The following KIF6 variants were observed in gnomAD, a reference collection of about 807,000 sequenced individuals.
KIF6 encodes the protein kinesin-like protein KIF6.
Under a neutral mutation model 112.7 loss-of-function variants are expected in KIF6, and 106 were observed. That is an observed-to-expected ratio of 0.94 (90% CI 0.80 to 1.11). The LOEUF is 1.11. KIF6 is among the 50% of genes least tolerant of loss of function. The pLI is 0.00. For synonymous variants in KIF6, 339 were observed against 339.9 expected, an observed-to-expected ratio of 1.00 and a Z score of 0.03; for missense variants, 929 against 964.0, an observed-to-expected ratio of 0.96 and a Z score of 0.48.
Position 39,438,421 on chromosome 6 carries a change from C to T in KIF6, c.1646-7260G>A, listed in dbSNP as rs1771696996. Among the ~76,000 whole-genome samples, 4 of 152,104 alleles carry T rather than the reference C, an allele frequency of 2.6e-5. No homozygotes were observed. In the South Asian group the frequency reaches 8.3e-4, roughly 32 times the overall value. On this transcript the variant is annotated intron_variant, in intron 13 of 22. Transcript: ENST00000287152. ...TGAGAGCTCCATGTGTGTTACTGCC[C>T]CTGAAGACCTTCCAGTGGGACAAGG...
intron 3 of KIF6, among the ~76,000 whole-genome samples, chr6:39,659,404 T>C (rs1785994795): frequency 6.6e-6 from 1 of 152,226 alleles, no homozygotes; most frequent in Non-Finnish European, 1.5e-5. Flanking sequence ...AGTGTATTTC[T>C]GTATATTGCC....
At chr6:39,620,753 TA>T (rs35701377) in intron 5 of KIF6, among the ~76,000 whole-genome samples, 1 of 93,270 alleles carries the variant, frequency 1.1e-5, no homozygotes, top group African/African-American at 6.0e-5. Flanking sequence ...AACAACATTT[TA>T]TTTATTTATT....
intron 13 of KIF6, among the ~76,000 whole-genome samples, chr6:39,466,519 T>C (rs191292086): frequency 6.6e-6 from 1 of 152,326 alleles, no homozygotes; most frequent in Admixed American, 6.5e-5. Flanking sequence ...TTCAAGGAAA[T>C]CTACTAAATC....
Position 39,337,110 on chromosome 6 carries a change from C to CTCTT in KIF6, c.2429-566_2429-563dup, listed in dbSNP as rs61092060. The stretch of plus-strand genomic sequence containing the variant: ...TTCTTTCCTTTCTTTCTTCTTTCTT[C>CTCTT]TCTTTCTTTCTTTCTTTCCTCCTTC... On this transcript the variant is annotated intron_variant, in intron 22 of 22. Transcript: ENST00000287152. 4.4e-3 allele frequency among the ~76,000 whole-genome samples: 512 copies of CTCTT among 116,114 alleles called. 23 individuals are homozygous for CTCTT. The highest frequency in any genetic ancestry group is 0.017 in the African/African-American group (440 of 26,370). 76.2% of individuals were successfully genotyped at this position (116,114 alleles called of 152,430 possible).
intron 3 of KIF6, among the ~76,000 whole-genome samples, chr6:39,647,862 C>T (rs1171043230): frequency 6.6e-6 from 1 of 151,920 alleles, no homozygotes; most frequent in African/African-American, 2.4e-5. Context: ...CAGGCACCCG[C>T]CATTATGCCC....
At chr6:39,659,851 G>A (rs1786030724) in intron 3 of KIF6, among the ~76,000 whole-genome samples, 1 of 152,168 alleles carries the variant, frequency 6.6e-6, no homozygotes, top group Non-Finnish European at 1.5e-5. Flanking sequence ...AATACATCAA[G>A]TCATGGTTGA....
Position 39,334,617 on chromosome 6 carries a change from A to G in KIF6, c.*1915T>C, listed in dbSNP as rs1049494127. On this transcript the variant is annotated 3_prime_UTR_variant, in exon 23 of 23. Coordinates refer to ENST00000287152, the MANE Select transcript of KIF6 (RefSeq NM_145027.6). ...GACAGAGACCCCCCCCATCTCAAAA[A>G]ATAAATAAAAGAAAGTAAAAATAAA... is the stretch of plus-strand genomic sequence containing the variant. The G allele has an allele frequency of 6.6e-6, 1 of 152,270 alleles. No individual in the cohort carries two copies. Among genetic ancestry groups the G allele is most frequent in the Non-Finnish European group, 1.5e-5 (1 of 68,108 alleles). 9.4% of individuals were successfully genotyped at this position (152,270 alleles called of 1,614,324 possible). A position where few individuals can be genotyped will look rare whatever the true frequency, so the allele number is the denominator to read the frequency against.
intron 3 of KIF6, among the ~76,000 whole-genome samples, chr6:39,694,321 C>A (rs571127123): frequency 5.3e-5 from 8 of 152,226 alleles, no homozygotes; most frequent in African/African-American, 1.9e-4. Context: ...CCACCCAGAA[C>A]AGTCAGGCAA....
At chr6:39,606,470 T>A (rs909801004) in intron 6 of KIF6, among the ~76,000 whole-genome samples, 4 of 152,146 alleles carry the variant, frequency 2.6e-5, no homozygotes, top group Non-Finnish European at 5.9e-5. Context: ...GATAATTTTA[T>A]CTTTGAACAT....
chr6:39,663,818 C>G (rs1270589974), intron 3 of KIF6, among the ~76,000 whole-genome samples: 1 of 151,942 alleles, frequency 6.6e-6, no homozygotes, highest in Non-Finnish European at 1.5e-5. Flanking sequence ...CTGAAGACAG[C>G]ATTTTATAAT....
chr6:39,559,514 A>G (rs1018049821), intron 10 of KIF6, among the ~76,000 whole-genome samples: 3 of 152,186 alleles, frequency 2.0e-5, no homozygotes, highest in African/African-American at 7.2e-5. Context: ...AGCCCACATT[A>G]TCAGTAAATA....
At chr6:39,505,401 T>A (rs941769844) in intron 13 of KIF6, among the ~76,000 whole-genome samples, 1 of 151,996 alleles carries the variant, frequency 6.6e-6, no homozygotes. Flanking sequence ...AAAAACCCTA[T>A]AAGAAAACCT....
intron 5 of KIF6, among the ~76,000 whole-genome samples, chr6:39,614,103 A>G (rs1488136472): frequency 2.0e-5 from 3 of 152,110 alleles, no homozygotes; most frequent in African/African-American, 7.2e-5. Context: ...ACTCTCCCTA[A>G]AGTCCTTTCA....
chr6:39,657,019 T>C (rs1446197860), intron 3 of KIF6, among the ~76,000 whole-genome samples: 1 of 151,882 alleles, frequency 6.6e-6, no homozygotes, highest in Non-Finnish European at 1.5e-5. Context: ...TCACCTGAGG[T>C]CAGGAGTTTG....
At chr6:39,721,993 A>T (rs1027202515) in intron 1 of KIF6, among the ~76,000 whole-genome samples, 5 of 152,172 alleles carry the variant, frequency 3.3e-5, no homozygotes, top group African/African-American at 1.2e-4. Context: ...GTATATTTTT[A>T]TTGAAACTTC....
intron 13 of KIF6, among the ~76,000 whole-genome samples, chr6:39,476,409 C>T (rs1774429325): frequency 6.6e-6 from 1 of 151,962 alleles, no homozygotes; most frequent in Non-Finnish European, 1.5e-5. Context: ...AACAGACAAT[C>T]AAGCATGCTT....
chr6:39,585,421 C>T (rs1365851974), intron 8 of KIF6, among the ~76,000 whole-genome samples: 2 of 152,184 alleles, frequency 1.3e-5, no homozygotes, highest in African/African-American at 4.8e-5. Context: ...CTGTGCAGCT[C>T]AGCCCCTAAT....
intron 13 of KIF6, among the ~76,000 whole-genome samples, chr6:39,514,199 T>A (rs1319732564): frequency 6.6e-6 from 1 of 152,214 alleles, no homozygotes; most frequent in Non-Finnish European, 1.5e-5. Context: ...CCCCACAAGA[T>A]CGGATCTTCC....
chr6:39,502,893 G>A (rs903210706), intron 13 of KIF6, among the ~76,000 whole-genome samples: 2 of 151,940 alleles, frequency 1.3e-5, no homozygotes, highest in African/African-American at 2.4e-5. Flanking sequence ...ACAATAGTAG[G>A]GGGAGACTGT....
Sources: gnomAD v4.1 joint callset for allele counts (sites outside exome capture counted in the v4.1 genomes callset) on GRCh38, gnomAD v4.1.1 for gene constraint, MANE v1.5 for transcripts, NCBI Gene and HGNC (gene_info 2026-07-23, HGNC 2026-07-21) for gene names.